PAX7: variants seen among roughly 807,000 people sequenced by gnomAD.
PAX7 encodes the protein paired box protein Pax-7.
Under a neutral mutation model 50.7 loss-of-function variants are expected in PAX7, and 18 were observed. That is an observed-to-expected ratio of 0.36 (90% CI 0.25 to 0.53). The LOEUF is 0.53. PAX7 is among the 20% of genes least tolerant of loss of function. The probability of loss-of-function intolerance (pLI) is 0.93; values close to 1 mark genes in which losing one functional copy is unlikely to be tolerated. For missense variants in PAX7, 644 were observed against 702.9 expected (o/e 0.92, Z 0.95); for synonymous variants, 310 against 290.4 (o/e 1.07, Z -0.69).
At chr1:18,705,885 G>A (rs530658573) in intron 7 of PAX7, among the ~76,000 whole-genome samples, 69 of 152,284 alleles carry the variant, frequency 4.5e-4, no homozygotes, top group Non-Finnish European at 7.9e-4. Context: ...GAAGCTCAGA[G>A]GCTCCCATCA....
At chr1:18,659,342 G>T (rs1245477100) in intron 4 of PAX7, among the ~76,000 whole-genome samples, 1 of 152,160 alleles carries the variant, frequency 6.6e-6, no homozygotes, top group South Asian at 2.1e-4. Context: ...GAAAGGGGAG[G>T]GGGCAGCCAG....
At chr1:18,730,777 AG>A (rs2089635969) in intron 7 of PAX7, among the ~76,000 whole-genome samples, 2 of 151,500 alleles carry the variant, frequency 1.3e-5, no homozygotes, top group African/African-American at 4.9e-5. Context: ...AGGCTGTGGA[AG>A]GGGGGCCCCC....
At chr1:18,706,070 C>T (rs968639574) in intron 7 of PAX7, among the ~76,000 whole-genome samples, 2 of 152,120 alleles carry the variant, frequency 1.3e-5, no homozygotes, top group African/African-American at 2.4e-5. Context: ...GCGAGCAGGG[C>T]GGGAGTTTCT....
At chr1:18,686,376 A>C (rs1570170404) in intron 4 of PAX7, among the ~76,000 whole-genome samples, 5 of 152,194 alleles carry the variant, frequency 3.3e-5, no homozygotes, top group African/African-American at 1.2e-4. Context: ...ACCCCCTGGG[A>C]CCATCCCATT....
intron 7 of PAX7, among the ~76,000 whole-genome samples, chr1:18,712,154 A>ATGGTCAGTGTGAATTGT (rs1553141315): frequency 6.6e-6 from 1 of 152,200 alleles, no homozygotes; most frequent in East Asian, 1.9e-4. Context: ...GTGTGAATTG[A>ATGGTCAGTGTGAATTGT]TGGTCAGTGT....
At chr1:18,740,979 T>C (rs1022767219) in intron 8 of PAX7, among the ~76,000 whole-genome samples, 5 of 152,168 alleles carry the variant, frequency 3.3e-5, no homozygotes, top group African/African-American at 1.2e-4. Flanking sequence ...TGATGGTTAC[T>C]AGAGGCAGGG....
chr1:18,734,517 C>G (rs1161042484), intron 7 of PAX7, among the ~76,000 whole-genome samples: 1 of 152,112 alleles, frequency 6.6e-6, no homozygotes, highest in East Asian at 1.9e-4. Flanking sequence ...TCCAGGAGCT[C>G]CTGCTGCACC....
intron 5 of PAX7, among the ~76,000 whole-genome samples, chr1:18,697,308 G>T (rs533522590): frequency 6.6e-6 from 1 of 152,328 alleles, no homozygotes; most frequent in Non-Finnish European, 1.5e-5. Context: ...GGGTGCTGGG[G>T]CTGTCACTGT....
At chr1:18,717,358 C>T (rs2089439731) in intron 7 of PAX7, among the ~76,000 whole-genome samples, 1 of 152,214 alleles carries the variant, frequency 6.6e-6, no homozygotes, top group South Asian at 2.1e-4. Context: ...TTGCTGCCTG[C>T]TGGAGAGAGA....
intron 5 of PAX7, among the ~76,000 whole-genome samples, chr1:18,697,255 G>A (rs1011511753): frequency 1.3e-5 from 2 of 152,118 alleles, no homozygotes; most frequent in African/African-American, 2.4e-5. Context: ...AAAACCCAGC[G>A]CCTGCTTTCA....
intron 7 of PAX7, among the ~76,000 whole-genome samples, chr1:18,734,960 C>G (rs1039379827): frequency 5.9e-5 from 9 of 152,288 alleles, no homozygotes; most frequent in African/African-American, 1.9e-4. Flanking sequence ...CCAGCACTGA[C>G]AGTGAGTTCC....
intron 4 of PAX7, among the ~76,000 whole-genome samples, chr1:18,678,149 C>T (rs1025688465): frequency 4.0e-5 from 6 of 151,652 alleles, no homozygotes; most frequent in African/African-American, 7.3e-5. Context: ...CAGTGGCTCA[C>T]GCCTGTAATC....
chr1:18,657,092 T>A (rs1461054753), intron 4 of PAX7, among the ~76,000 whole-genome samples: 2 of 152,146 alleles, frequency 1.3e-5, no homozygotes, highest in Non-Finnish European at 2.9e-5. Flanking sequence ...ATATCAGGAA[T>A]GTCCTTTTTT....
intron 4 of PAX7, among the ~76,000 whole-genome samples, chr1:18,656,801 C>G (rs1007967865): frequency 2.6e-5 from 4 of 151,808 alleles, no homozygotes; most frequent in Admixed American, 6.6e-5. Flanking sequence ...TAGAGAGCAG[C>G]CTGGGTGACA....
intron 7 of PAX7, among the ~76,000 whole-genome samples, chr1:18,725,527 C>T (rs868540477): frequency 2.0e-5 from 3 of 151,964 alleles, no homozygotes; most frequent in East Asian, 1.9e-4. Flanking sequence ...TCATTAGGGC[C>T]GCAGAAGAGG....
chr1:18,725,667 T>C (rs570276870), intron 7 of PAX7, among the ~76,000 whole-genome samples: 13 of 152,308 alleles, frequency 8.5e-5, no homozygotes, highest in African/African-American at 3.1e-4. Context: ...TATCTTTAAA[T>C]AGTCATATCT....
Position 18,671,675 on chromosome 1 carries a change from C to T in PAX7, c.587-20079C>T, listed in dbSNP as rs147684042. On this transcript the variant is annotated intron_variant, in intron 4 of 8. Transcript: ENST00000420770. ...GGGTTGGTGGCATAACCAGTACCTC[C>T]ACTTTCTTCATTTTAAAATGGGAAC... is the stretch of plus-strand genomic sequence containing the variant. Among the ~76,000 whole-genome samples, 157 of 152,222 alleles carry T rather than the reference C, an allele frequency of 1.0e-3. 2 individuals carry two copies. The highest frequency in any genetic ancestry group is 1.1e-3 in the Non-Finnish European group (74 of 68,010).
At position 18,631,708 on chromosome 1, in the gene PAX7, C is replaced by T. The variant is rs1444226743; in HGVS notation, c.85+20C>T. ...TGGAAGGTAAGAACGCCCAGGCTGG[C>T]CTCGCCGCGACTCCGCCGCCCGGAA... On this transcript the variant is annotated intron_variant, in intron 1 of 8. Transcript: ENST00000420770. 1 of 1,597,776 alleles carries T rather than the reference C, an allele frequency of 6.3e-7. No individual in the cohort carries two copies.
chr1:18,738,946 C>G (rs927750318), intron 8 of PAX7, among the ~76,000 whole-genome samples: 1 of 152,218 alleles, frequency 6.6e-6, no homozygotes, highest in African/African-American at 2.4e-5. Context: ...CATGTTCCCG[C>G]TAACCACTTG....
Sources: allele counts gnomAD v4.1 joint callset (sites outside exome capture counted in the v4.1 genomes callset), GRCh38; gene constraint gnomAD v4.1.1; transcripts MANE v1.5; gene names NCBI Gene and HGNC (gene_info 2026-07-23, HGNC 2026-07-21).